The following PTPRD variants were observed in gnomAD, a reference collection of about 807,000 sequenced individuals.
PTPRD encodes the protein receptor-type tyrosine-protein phosphatase delta.
In PTPRD, 34 loss-of-function variants were observed where a neutral mutation model predicts 214.5. That is an observed-to-expected ratio of 0.16 (90% CI 0.12 to 0.21). The LOEUF is 0.21. PTPRD is among the 10% of genes least tolerant of loss of function. PTPRD has a pLI of 1.00. For synonymous variants in PTPRD, 1,128 were observed against 845.7 expected (o/e 1.33, Z -5.79); for missense variants, 2,545 against 2,398.7 (o/e 1.06, Z -1.27).
intron 3 of PTPRD, among the ~76,000 whole-genome samples, chr9:10,048,158 T>C (rs550896230): frequency 9.8e-5 from 15 of 152,308 alleles, no homozygotes; most frequent in African/African-American, 3.6e-4. Flanking sequence ...TTTTCTAGCA[T>C]CTAGCAGGGA....
intron 2 of PTPRD, among the ~76,000 whole-genome samples, chr9:10,587,482 A>T (rs952706851): frequency 6.6e-6 from 1 of 152,112 alleles, no homozygotes; most frequent in Non-Finnish European, 1.5e-5. Context: ...AATGGCAATA[A>T]TAAGTAAGGA....
chr9:9,866,826 C>A (rs1314621467), intron 5 of PTPRD, among the ~76,000 whole-genome samples: 1 of 152,084 alleles, frequency 6.6e-6, no homozygotes, highest in Non-Finnish European at 1.5e-5. Flanking sequence ...TGCCTAAACA[C>A]AACTTCAGTA....
At chr9:10,546,426 CT>C (rs1312456553) in intron 2 of PTPRD, among the ~76,000 whole-genome samples, 1 of 151,862 alleles carries the variant, frequency 6.6e-6, no homozygotes, top group East Asian at 1.9e-4. Context: ...CCTCAGCAAA[CT>C]TTAGTTTATT....
intron 34 of PTPRD, among the ~76,000 whole-genome samples, chr9:8,447,508 A>G (rs1012894906): frequency 3.9e-5 from 6 of 152,208 alleles, no homozygotes; most frequent in African/African-American, 1.4e-4. Flanking sequence ...GAGTTTGGCC[A>G]TATTTGCAAA....
At chr9:10,575,090 C>T (rs1252265989) in intron 2 of PTPRD, among the ~76,000 whole-genome samples, 1 of 151,794 alleles carries the variant, frequency 6.6e-6, no homozygotes, top group Non-Finnish European at 1.5e-5. Flanking sequence ...TGACCAACAT[C>T]CTTTAGATTA....
chr9:8,452,899 A>G (rs10977119), intron 33 of PTPRD, among the ~76,000 whole-genome samples: 25,199 of 152,242 alleles, frequency 0.17, 2,417 homozygotes, highest in South Asian at 0.32. Context: ...AAAGATATAC[A>G]GACATGTGAG....
intron 10 of PTPRD, among the ~76,000 whole-genome samples, chr9:9,040,119 C>T (rs1257624520): frequency 6.6e-6 from 1 of 152,058 alleles, no homozygotes; most frequent in Non-Finnish European, 1.5e-5. Flanking sequence ...TTAAGTAATG[C>T]CATTTAATCT....
intron 36 of PTPRD, among the ~76,000 whole-genome samples, chr9:8,402,330 A>G (rs2092498335): frequency 6.6e-6 from 1 of 152,202 alleles, no homozygotes. Flanking sequence ...AAATGTGCAT[A>G]GTTTTCAACC....
At chr9:8,468,151 T>C (rs1044185246) in intron 31 of PTPRD, among the ~76,000 whole-genome samples, 1 of 152,016 alleles carries the variant, frequency 6.6e-6, no homozygotes, top group Non-Finnish European at 1.5e-5. Context: ...TGGGTATTCT[T>C]AGACCCAATG....
chr9:10,230,290 C>T (rs942605607), intron 3 of PTPRD, among the ~76,000 whole-genome samples: 2 of 151,936 alleles, frequency 1.3e-5, no homozygotes, highest in African/African-American at 2.4e-5. Context: ...TTGTGTTAAG[C>T]CATTCGATTT....
At chr9:10,020,224 C>G (rs1030498599) in intron 4 of PTPRD, among the ~76,000 whole-genome samples, 6 of 152,170 alleles carry the variant, frequency 3.9e-5, no homozygotes, top group African/African-American at 1.4e-4. Flanking sequence ...TTTCTCTGTG[C>G]TTAAAATGAA....
At position 8,525,066 on chromosome 9, in the gene PTPRD, G is replaced by T. The variant is rs1268954153; in HGVS notation, c.569-31C>A. On this transcript the variant is annotated intron_variant, in intron 17 of 45. Coordinates refer to ENST00000381196, the MANE Select transcript of PTPRD (RefSeq NM_002839.4). ...TGGATATAAAATATATTGCCAAAGAGATGATCAGAGAAGGCTTTCTCAGTT... is the reference window on the plus strand; with the variant it reads ...TGGATATAAAATATATTGCCAAAGATATGATCAGAGAAGGCTTTCTCAGTT... The T allele has an allele frequency of 1.9e-6, 3 of 1,560,724 alleles. No individual in the cohort carries two copies. In the South Asian group the frequency reaches 3.3e-5, roughly 17 times the overall value.
At chr9:9,344,628 G>C (rs2048134003) in intron 9 of PTPRD, among the ~76,000 whole-genome samples, 1 of 151,954 alleles carries the variant, frequency 6.6e-6, no homozygotes, top group Non-Finnish European at 1.5e-5. Flanking sequence ...AAGATATCTA[G>C]AAGGTCTGCA....
At chr9:8,628,614 C>CA (rs57311712) in intron 14 of PTPRD, among the ~76,000 whole-genome samples, 6,059 of 101,062 alleles carry the variant, frequency 0.06, 312 homozygotes, top group African/African-American at 0.17. Context: ...CATATCAGGC[C>CA]AAAAAAAAAA....
chr9:10,381,173 G>A (rs1565666517), intron 2 of PTPRD, among the ~76,000 whole-genome samples: 1 of 150,802 alleles, frequency 6.6e-6, no homozygotes, highest in African/African-American at 2.4e-5. Context: ...CATCATGGAC[G>A]ATTACTCACT....
At chr9:9,058,272 TC>T (rs542225893) in intron 10 of PTPRD, among the ~76,000 whole-genome samples, 152 of 151,926 alleles carry the variant, frequency 1.0e-3, no homozygotes, top group African/African-American at 3.4e-3. Flanking sequence ...TAAAGCAGTG[TC>T]TTATGCAATG....
intron 3 of PTPRD, among the ~76,000 whole-genome samples, chr9:10,202,384 G>A (rs546477723): frequency 8.9e-4 from 135 of 151,590 alleles, no homozygotes; most frequent in Middle Eastern, 3.4e-3. Flanking sequence ...CTTTTGGTGG[G>A]AATTGCATCG....
intron 12 of PTPRD, among the ~76,000 whole-genome samples, chr9:8,691,416 A>T (rs1167419588): frequency 1.3e-5 from 2 of 152,074 alleles, no homozygotes; most frequent in East Asian, 3.9e-4. Context: ...AAAAAATAGA[A>T]GAGTGCTATT....
intron 11 of PTPRD, among the ~76,000 whole-genome samples, chr9:8,818,935 A>G (rs191424352): frequency 6.6e-5 from 10 of 152,328 alleles, no homozygotes; most frequent in Non-Finnish European, 1.0e-4. Context: ...AGAATAGAGA[A>G]TCTGGTAACT....
Sources: gnomAD v4.1 joint callset for allele counts (sites outside exome capture counted in the v4.1 genomes callset) on GRCh38, gnomAD v4.1.1 for gene constraint, MANE v1.5 for transcripts, NCBI Gene and HGNC (gene_info 2026-07-23, HGNC 2026-07-21) for gene names.